FRMD3: variants seen among roughly 807,000 people sequenced by gnomAD.
FRMD3 encodes FERM domain-containing protein 3.
A neutral mutation model predicts 70.2 loss-of-function variants in FRMD3; 33 were observed. That is an observed-to-expected ratio of 0.47 (90% CI 0.36 to 0.63). The LOEUF is 0.63. Among genes scored for constraint, FRMD3 ranks in the 20% least tolerant of loss-of-function variants. The probability of loss-of-function intolerance (pLI) is 0.00; values close to 1 mark genes in which losing one functional copy is unlikely to be tolerated. For synonymous variants in FRMD3, 279 were observed against 255.9 expected, an observed-to-expected ratio of 1.09 and a Z score of -0.86; for missense variants, 632 against 711.4, an observed-to-expected ratio of 0.89 and a Z score of 1.27.
At chr9:83,489,009 T>C (rs1828752642) in intron 1 of FRMD3, among the ~76,000 whole-genome samples, 1 of 123,302 alleles carries the variant, frequency 8.1e-6, no homozygotes, top group Non-Finnish European at 1.8e-5. Context: ...TGTGTGTGTG[T>C]GTGTGTGCTT....
intron 13 of FRMD3, among the ~76,000 whole-genome samples, chr9:83,277,282 T>G (rs1310811382): frequency 6.6e-6 from 1 of 152,232 alleles, no homozygotes; most frequent in East Asian, 1.9e-4. Context: ...ATAGATGGAT[T>G]CTACACATTT....
intron 1 of FRMD3, among the ~76,000 whole-genome samples, chr9:83,477,869 T>C (rs1359971994): frequency 6.6e-6 from 1 of 152,178 alleles, no homozygotes; most frequent in African/African-American, 2.4e-5. Context: ...CTTGGACCTT[T>C]CCTTAGAAGA....
chr9:83,523,519 C>T (rs975244767), intron 1 of FRMD3, among the ~76,000 whole-genome samples: 1 of 152,108 alleles, frequency 6.6e-6, no homozygotes, highest in Admixed American at 6.5e-5. Flanking sequence ...ACCCAGTAAA[C>T]ACACTAAAGA....
intron 1 of FRMD3, among the ~76,000 whole-genome samples, chr9:83,488,972 TTGTGTGTGTGTGTGTGTGTGTGTG>T (rs4014025): frequency 0.015 from 2,021 of 135,636 alleles, 54 homozygotes; most frequent in African/African-American, 0.053. Context: ...CCCTATACCT[TTGTGTGTGTGTGTGTGTGTGTGTG>T]TGTGTGTGTG....
chr9:83,487,401 T>C (rs1490150310), intron 1 of FRMD3, among the ~76,000 whole-genome samples: 2 of 152,210 alleles, frequency 1.3e-5, no homozygotes, highest in African/African-American at 2.4e-5. Flanking sequence ...GACTTTCTTA[T>C]TACATTTCTC....
At chr9:83,481,532 T>C (rs1052010449) in intron 1 of FRMD3, among the ~76,000 whole-genome samples, 1 of 152,190 alleles carries the variant, frequency 6.6e-6, no homozygotes, top group African/African-American at 2.4e-5. Flanking sequence ...CATATGATCA[T>C]ATAAACTACA....
At chr9:83,479,704 G>GAA (rs376002131) in intron 1 of FRMD3, among the ~76,000 whole-genome samples, 171 of 64,846 alleles carry the variant, frequency 2.6e-3, no homozygotes, top group African/African-American at 6.2e-3. Flanking sequence ...AAGAAAGAAA[G>GAA]AAAGAAAGAA....
chr9:83,389,788 T>C, intron 1 of FRMD3, 80 bp from the exon 2 acceptor site: 1 of 930,536 alleles, frequency 1.1e-6, no homozygotes, highest in Non-Finnish European at 1.8e-6. Context: ...TTCACCACCA[T>C]GGGTCTATGT....
chr9:83,277,044 G>A (rs1833816619), intron 13 of FRMD3, among the ~76,000 whole-genome samples: 1 of 152,202 alleles, frequency 6.6e-6, no homozygotes, highest in South Asian at 2.1e-4. Context: ...TTTTCGCAGG[G>A]CTACAATGAG....
rs1255438500 is a variant in FRMD3, at chr9:83,298,787, G to A, written c.1031C>T (p.Ala344Val). 1 of 1,614,196 alleles carries A rather than the reference G, an allele frequency of 6.2e-7. No individual in the cohort carries two copies. The highest frequency in any genetic ancestry group is 8.5e-7 in the Non-Finnish European group (1 of 1,180,018). ...SGKVAKEVVE[A>V]SSKIQREPPE... Reference sequence around the variant, plus strand: ...AGGCTCCCTCTGGATCTTGGAACTGGCCTCCACCACCTCTTTGGCAACTTT... The same window carrying A: ...AGGCTCCCTCTGGATCTTGGAACTGACCTCCACCACCTCTTTGGCAACTTT... The change falls in exon 12 of 14, where the codon GCC becomes GTC. Residue 344 changes from alanine (A) to valine (V), a missense_variant. By Grantham distance (64) the Ala-to-Val change is moderately conservative. Transcript: ENST00000304195.
chr9:83,570,366 A>C, the FRMD3 span, among the ~76,000 whole-genome samples: 1 of 152,210 alleles, frequency 6.6e-6, no homozygotes, highest in Non-Finnish European at 1.5e-5. Context: ...CATTACATAG[A>C]ATCACAAGAA....
At chr9:83,558,261 CGT>C in the FRMD3 span, among the ~76,000 whole-genome samples, 411 of 151,334 alleles carry the variant, frequency 2.7e-3, 2 homozygotes, top group African/African-American at 8.2e-3. Context: ...AACGCATGCA[CGT>C]GTGTGTGTGT....
At position 83,335,630 on chromosome 9, in the gene FRMD3, C is replaced by T. The variant is rs1427768730; in HGVS notation, c.482G>A (p.Gly161Asp). 5 of 1,612,744 alleles carry T rather than the reference C, an allele frequency of 3.1e-6. No individual in the cohort carries two copies. Among genetic ancestry groups the T allele is most frequent in the Admixed American group, 3.3e-5 (2 of 59,912 alleles). The change falls in exon 6 of 14, where the codon GGT becomes GAT. Residue 161 changes from glycine to aspartate, a missense_variant. Around this residue, in one of 3 missense-constraint regions of FRMD3, gnomAD observed 208 missense variants for 247.7 expected, o/e 0.84. Transcript: ENST00000304195. ...AGGATGCTCATCAGGATCGTAATCA[C>T]CAAGCTCAGCTGTAATGAGTGAAAA... ...LGACIVQAELGDYDPDEHPEN... is the reference protein window; with the variant it reads ...LGACIVQAELDDYDPDEHPEN...
At chr9:83,466,768 C>T (rs978277071) in intron 1 of FRMD3, among the ~76,000 whole-genome samples, 1 of 152,144 alleles carries the variant, frequency 6.6e-6, no homozygotes, top group Non-Finnish European at 1.5e-5. Context: ...TTCGGCAATT[C>T]CAACATCTTT....
intron 5 of FRMD3, among the ~76,000 whole-genome samples, chr9:83,340,029 T>A (rs1823704024): frequency 6.6e-6 from 1 of 152,184 alleles, no homozygotes; most frequent in African/African-American, 2.4e-5. Context: ...AGCTTCAGTA[T>A]ATTCTGAGTT....
rs1282776412 is a variant in FRMD3, at chr9:83,537,651, A to C, written c.147+434T>G. 6.6e-6 allele frequency among the ~76,000 whole-genome samples: 1 copy of C among 152,142 alleles called. No individual in the cohort carries two copies. Among genetic ancestry groups the C allele is most frequent in the East Asian group, 1.9e-4 (1 of 5,168 alleles). On this transcript the variant is annotated intron_variant, in intron 1 of 13. Transcript: ENST00000304195. The surrounding 1 kb of genome is among the most constrained non-coding windows in gnomAD (Gnocchi z 4.1). ...AGCCTGGGCGCGGGAGACAGAAATG[A>C]GTGAACCCAGCTGATGCATGCCTTC...
intron 1 of FRMD3, among the ~76,000 whole-genome samples, chr9:83,411,477 T>C (rs1826276032): frequency 6.6e-6 from 1 of 152,148 alleles, no homozygotes; most frequent in Admixed American, 6.5e-5. Flanking sequence ...CTAACAATGG[T>C]TTGAAGTATT....
chr9:83,340,009 G>A (rs559271446), intron 5 of FRMD3, among the ~76,000 whole-genome samples: 2 of 152,224 alleles, frequency 1.3e-5, no homozygotes, highest in East Asian at 3.9e-4. Flanking sequence ...GTTAATCAGG[G>A]CAAGTTTGAA....
intron 12 of FRMD3, among the ~76,000 whole-genome samples, chr9:83,295,172 G>C (rs1393273127): frequency 6.6e-6 from 1 of 152,144 alleles, no homozygotes; most frequent in Non-Finnish European, 1.5e-5. Flanking sequence ...TCTAATACTG[G>C]GGCAAATGTG....
Sources: allele counts gnomAD v4.1 joint callset (sites outside exome capture counted in the v4.1 genomes callset), GRCh38; gene constraint gnomAD v4.1.1; regional missense constraint gnomAD v4.1.1; non-coding constraint Gnocchi (gnomAD v3.1); transcripts MANE v1.5; gene names NCBI Gene and HGNC (gene_info 2026-07-23, HGNC 2026-07-21).